The following GPR63 variants were observed in gnomAD, a reference collection of about 807,000 sequenced individuals.
GPR63 encodes the protein G protein-coupled receptor 63.
Under a neutral mutation model 23.1 loss-of-function variants are expected in GPR63, and 12 were observed. That is an observed-to-expected ratio of 0.52 (90% CI 0.33 to 0.84). The LOEUF (loss-of-function observed/expected upper bound fraction) is 0.84, where lower values mean the gene tolerates loss of function less well. GPR63 is among the 40% of genes least tolerant of loss of function. The pLI is 0.02. For missense variants in GPR63, 472 were observed against 515.6 expected (o/e 0.92, Z 0.82); for synonymous variants, 172 against 191.1 (o/e 0.90, Z 0.82).
chr6:96,815,773 CT>C (rs1335964853), intron 1 of GPR63, among the ~76,000 whole-genome samples: 1 of 152,146 alleles, frequency 6.6e-6, no homozygotes, highest in African/African-American at 2.4e-5. Context: ...GCCTCATGAA[CT>C]TAGACTTGAG....
intron 1 of GPR63, among the ~76,000 whole-genome samples, chr6:96,835,717 G>A (rs1433736795): frequency 1.1e-4 from 16 of 151,824 alleles, no homozygotes. Flanking sequence ...TTTGAGTTTC[G>A]GTACTGGTAT....
At chr6:96,812,584 A>AT (rs1001288541) in intron 1 of GPR63, among the ~76,000 whole-genome samples, 2 of 152,176 alleles carry the variant, frequency 1.3e-5, no homozygotes, top group African/African-American at 2.4e-5. Context: ...TTAAAAATGT[A>AT]TTTTTAAGTG....
At chr6:96,824,535 A>G (rs1214429471) in intron 1 of GPR63, among the ~76,000 whole-genome samples, 1 of 150,678 alleles carries the variant, frequency 6.6e-6, no homozygotes, top group Non-Finnish European at 1.5e-5. Flanking sequence ...AATTCAAAGT[A>G]CTGCATGTCA....
Position 96,798,800 on chromosome 6 carries a change from C to T in GPR63, c.932G>A (p.Arg311His), listed in dbSNP as rs560918889. The T allele has an allele frequency of 1.7e-5, 28 of 1,614,106 alleles. No individual in the cohort carries two copies. The highest frequency in any genetic ancestry group is 1.0e-4 in the Admixed American group (6 of 60,014). The part of the protein sequence containing the change: ...QMSIDMGFKT[R>H]AFTTILILFA... ...GAGAATCAAAATAGTGGTGAAGGCA[C>T]GTGTTTTAAAGCCCATGTCAATGCT... Residue 311 changes from arginine to histidine, a missense_variant, in exon 2 of 2, where the codon CGT becomes CAT. Transcript: ENST00000229955.
intron 1 of GPR63, among the ~76,000 whole-genome samples, chr6:96,813,881 C>T (rs1033384835): frequency 3.3e-5 from 5 of 151,894 alleles, no homozygotes; most frequent in African/African-American, 1.2e-4. Flanking sequence ...TAAGGGTGAG[C>T]CATAAAGATG....
At chr6:96,836,997 G>A (rs1774747858) in intron 1 of GPR63, among the ~76,000 whole-genome samples, 1 of 152,018 alleles carries the variant, frequency 6.6e-6, no homozygotes, top group Non-Finnish European at 1.5e-5. Context: ...ACGGGCAGGG[G>A]AGGGGGGCGG....
chr6:96,826,771 G>A (rs1028410986), intron 1 of GPR63, among the ~76,000 whole-genome samples: 7 of 151,950 alleles, frequency 4.6e-5, no homozygotes, highest in Non-Finnish European at 1.0e-4. Flanking sequence ...ACTCTACCAT[G>A]TCAAAAGAAA....
chr6:96,817,605 A>G (rs762180911), intron 1 of GPR63, among the ~76,000 whole-genome samples: 3 of 152,182 alleles, frequency 2.0e-5, no homozygotes, highest in Non-Finnish European at 4.4e-5. Flanking sequence ...ATGTCCATCA[A>G]TAGAACTGAT....
At chr6:96,836,547 T>C (rs1774733009) in intron 1 of GPR63, among the ~76,000 whole-genome samples, 1 of 152,176 alleles carries the variant, frequency 6.6e-6, no homozygotes, top group Admixed American at 6.5e-5. Context: ...AACGATCTCT[T>C]TGAAAATTTG....
In GPR63 at chr6:96,795,895, C is replaced by A. The variant is rs187388042; in HGVS notation, c.*2577G>T. On this transcript the variant is annotated 3_prime_UTR_variant, in exon 2 of 2. Coordinates refer to ENST00000229955, the MANE Select transcript of GPR63 (RefSeq NM_030784.4). ...TTCAAAATGCTACTAGTATCTACTACAGTGCTTATGTCCTATAAAATCCCT... is the reference window on the plus strand; with the variant it reads ...TTCAAAATGCTACTAGTATCTACTAAAGTGCTTATGTCCTATAAAATCCCT... The A allele has an allele frequency of 6.6e-6, 1 of 152,302 alleles. No homozygotes were observed. The highest frequency in any genetic ancestry group is 2.4e-5 in the African/African-American group (1 of 41,584). 9.4% of individuals were successfully genotyped at this position (152,302 alleles called of 1,614,324 possible). A position where few individuals can be genotyped will look rare whatever the true frequency, so the allele number is the denominator to read the frequency against.
At chr6:96,801,772 T>C (rs1399312800) in intron 1 of GPR63, among the ~76,000 whole-genome samples, 2 of 152,206 alleles carry the variant, frequency 1.3e-5, no homozygotes, top group African/African-American at 4.8e-5. Flanking sequence ...ATTTTATCTA[T>C]CCTCACATAT....
intron 1 of GPR63, among the ~76,000 whole-genome samples, chr6:96,821,789 T>C (rs1270040166): frequency 6.6e-6 from 1 of 152,120 alleles, no homozygotes. Context: ...CATACATATA[T>C]ATACCACGGT....
chr6:96,831,991 T>A (rs533353500), intron 1 of GPR63, among the ~76,000 whole-genome samples: 1 of 151,814 alleles, frequency 6.6e-6, no homozygotes, highest in African/African-American at 2.4e-5. Flanking sequence ...AAGAAAAAAA[T>A]TATATCCCCA....
At chr6:96,824,340 C>G (rs1422501995) in intron 1 of GPR63, among the ~76,000 whole-genome samples, 2 of 151,870 alleles carry the variant, frequency 1.3e-5, no homozygotes, top group Non-Finnish European at 2.9e-5. Context: ...TTTCTTGAAA[C>G]CTCACTAGCA....
intron 1 of GPR63, among the ~76,000 whole-genome samples, chr6:96,824,321 T>C (rs892681748): frequency 1.3e-5 from 2 of 152,100 alleles, no homozygotes; most frequent in African/African-American, 4.8e-5. Flanking sequence ...AATTCAAGAA[T>C]ATTTAATGTT....
rs1774506313 is a variant in GPR63 at position 96,828,764 on chromosome 6, AC to A, written c.-151+8503del. On this transcript the variant is annotated intron_variant, in intron 1 of 1. Transcript: ENST00000229955. ...CAGCTATATGCTATTTACAAGAGAC[AC>A]ATCTAAAATCATAAGGATATAGATC... 3.9e-5 allele frequency among the ~76,000 whole-genome samples: 6 copies of A among 152,314 alleles called. No homozygotes were observed. In the South Asian group the frequency reaches 1.2e-3, roughly 32 times the overall value.
intron 1 of GPR63, among the ~76,000 whole-genome samples, chr6:96,819,271 A>C (rs1017741672): frequency 3.9e-5 from 6 of 152,216 alleles, no homozygotes; most frequent in African/African-American, 1.4e-4. Flanking sequence ...AACCAAACCA[A>C]ATGCCCATCA....
At chr6:96,831,329 A>C (rs1774574664) in intron 1 of GPR63, among the ~76,000 whole-genome samples, 1 of 152,034 alleles carries the variant, frequency 6.6e-6, no homozygotes, top group South Asian at 2.1e-4. Context: ...TTTTGGATTG[A>C]GGCTAAATCT....
At chr6:96,837,246 G>C (rs1774757270) in intron 1 of GPR63, 22 bp downstream of exon 1, 1 of 152,434 alleles carries the variant, frequency 6.6e-6, no homozygotes, top group African/African-American at 2.4e-5. Flanking sequence ...TCGCGGGCCG[G>C]GGATCCCGAG....
Sources: gnomAD v4.1 joint callset for allele counts (sites outside exome capture counted in the v4.1 genomes callset) on GRCh38, gnomAD v4.1.1 for gene constraint, MANE v1.5 for transcripts, NCBI Gene and HGNC (gene_info 2026-07-23, HGNC 2026-07-21) for gene names.